Variants in TMEM131 observed in about 807,000 individuals in gnomAD.
The protein encoded by TMEM131 is 2610524E03Rik.
A neutral mutation model predicts 211.6 loss-of-function variants in TMEM131; 66 were observed. That is an observed-to-expected ratio of 0.31 (90% CI 0.26 to 0.38). TMEM131 has a LOEUF of 0.38. Ranked by LOEUF, TMEM131 falls within the 10% of genes least tolerant of loss-of-function variation. TMEM131 has a pLI of 1.00. For missense variants in TMEM131, 2,036 were observed against 2,299.3 expected (o/e 0.89, Z 2.34); for synonymous variants, 844 against 841.3 (o/e 1.00, Z -0.06).
chr2:97,873,412 GCCT>G (rs142305662), intron 4 of TMEM131, among the ~76,000 whole-genome samples: 3,681 of 152,220 alleles, frequency 0.024, 155 homozygotes, highest in African/African-American at 0.085. Flanking sequence ...AGGTCAGACT[GCCT>G]CCTCAAGTGG....
At chr2:97,759,629 C>T in intron 39 of TMEM131, 23 bp downstream of exon 39, 1 of 1,571,726 alleles carries the variant, frequency 6.4e-7, no homozygotes, top group Non-Finnish European at 8.7e-7. Context: ...TTATTAGTTA[C>T]ACATCTAGTG....
chr2:97,977,330 T>G (rs1199549842), intron 1 of TMEM131, among the ~76,000 whole-genome samples: 1 of 152,128 alleles, frequency 6.6e-6, no homozygotes, highest in Non-Finnish European at 1.5e-5. Context: ...GAAAATAGCC[T>G]AATAAAACAT....
chr2:97,955,897 G>A, intron 1 of TMEM131, among the ~76,000 whole-genome samples: 1 of 152,184 alleles, frequency 6.6e-6, no homozygotes, highest in Admixed American at 6.5e-5. Context: ...CAGGAAAAAT[G>A]TCAATTCTCC....
intron 11 of TMEM131, among the ~76,000 whole-genome samples, chr2:97,821,486 C>A (rs752050554): frequency 1.2e-4 from 19 of 152,192 alleles, no homozygotes; most frequent in Non-Finnish European, 2.6e-4. Context: ...TCACTCTTCA[C>A]AATAAATCTT....
chr2:97,858,644 A>AAGAGGACG (rs1057135603), intron 5 of TMEM131, among the ~76,000 whole-genome samples: 5 of 152,030 alleles, frequency 3.3e-5, no homozygotes, highest in African/African-American at 1.2e-4. Context: ...AGAAGAGGAC[A>AAGAGGACG]CCAGAGAGGT....
At chr2:97,966,107 TC>T (rs1679043991) in intron 1 of TMEM131, among the ~76,000 whole-genome samples, 1 of 151,702 alleles carries the variant, frequency 6.6e-6, no homozygotes, top group Non-Finnish European at 1.5e-5. Context: ...TTTTCCCTTG[TC>T]ATAAAACAAA....
intron 5 of TMEM131, among the ~76,000 whole-genome samples, chr2:97,845,810 T>G (rs1249695447): frequency 3.6e-5 from 5 of 140,122 alleles, no homozygotes; most frequent in African/African-American, 1.1e-4. Context: ...AAAAAGTCCA[T>G]AAAATGGATA....
chr2:97,842,022 G>A, intron 6 of TMEM131, 85 bp from the exon 7 acceptor site: 1 of 1,205,426 alleles, frequency 8.3e-7, no homozygotes, highest in Non-Finnish European at 1.1e-6. Flanking sequence ...TAGGGAGACT[G>A]GCAAATCTAA....
At chr2:97,844,567 T>C (rs1683338772) in intron 5 of TMEM131, among the ~76,000 whole-genome samples, 1 of 152,150 alleles carries the variant, frequency 6.6e-6, no homozygotes, top group East Asian at 1.9e-4. Context: ...GACAATCAGA[T>C]AGGAGTTGCG....
chr2:97,793,264 G>GTGTT (rs1680590651), intron 30 of TMEM131, 131 bp downstream of exon 30: 1 of 904,456 alleles, frequency 1.1e-6, no homozygotes, highest in Non-Finnish European at 1.7e-6. Flanking sequence ...TCCATACAGG[G>GTGTT]TGTTATTAAG....
intron 4 of TMEM131, among the ~76,000 whole-genome samples, chr2:97,863,332 G>C (rs1455204222): frequency 6.6e-6 from 1 of 152,168 alleles, no homozygotes; most frequent in Non-Finnish European, 1.5e-5. Flanking sequence ...GGACGTTGGA[G>C]TGGGCACAGA....
chr2:97,769,145 G>A (rs1193406303), intron 33 of TMEM131, among the ~76,000 whole-genome samples: 1 of 148,676 alleles, frequency 6.7e-6, no homozygotes, highest in Non-Finnish European at 1.5e-5. Context: ...ATCACACCTG[G>A]CTAATTTAAA....
At chr2:97,814,670 AT>A (rs1204365496) in intron 13 of TMEM131, among the ~76,000 whole-genome samples, 1 of 152,230 alleles carries the variant, frequency 6.6e-6, no homozygotes, top group Non-Finnish European at 1.5e-5. Context: ...TTTGAAAAAA[AT>A]CATGCTTATC....
intron 8 of TMEM131, 77 bp downstream of exon 8, chr2:97,836,997 TAAG>T (rs1682970410): frequency 5.4e-6 from 6 of 1,101,778 alleles, no homozygotes; most frequent in Non-Finnish European, 8.3e-6. Context: ...TTAAGCCTAT[TAAG>T]GAGTTAAATA....
At chr2:97,837,825 T>C (rs190627455) in intron 7 of TMEM131, among the ~76,000 whole-genome samples, 2 of 152,316 alleles carry the variant, frequency 1.3e-5, no homozygotes, top group Non-Finnish European at 2.9e-5. Flanking sequence ...AATTAAGATA[T>C]TAAATATATC....
At chr2:97,816,138 C>T (rs1287313685) in intron 12 of TMEM131, among the ~76,000 whole-genome samples, 2 of 151,966 alleles carry the variant, frequency 1.3e-5, no homozygotes, top group African/African-American at 4.8e-5. Context: ...GTCAGGAGTT[C>T]GAGACAAACC....
intron 1 of TMEM131, among the ~76,000 whole-genome samples, chr2:97,958,199 G>A (rs1678659905): frequency 6.6e-6 from 1 of 152,208 alleles, no homozygotes; most frequent in Non-Finnish European, 1.5e-5. Flanking sequence ...GAGGGGGGCA[G>A]AAGCTGAGCC....
chr2:97,877,813 A>C (rs541130429), intron 4 of TMEM131, among the ~76,000 whole-genome samples: 16 of 152,364 alleles, frequency 1.1e-4, no homozygotes, highest in Admixed American at 1.0e-3. Context: ...CTTCATGACT[A>C]AAACACCAAA....
chr2:97,897,833 A>T (rs1278507274), intron 3 of TMEM131, among the ~76,000 whole-genome samples: 1 of 152,176 alleles, frequency 6.6e-6, no homozygotes, highest in Non-Finnish European at 1.5e-5. Context: ...CAGTTTAGTC[A>T]TATGAGCCTG....
Sources: gnomAD v4.1 joint callset for allele counts (sites outside exome capture counted in the v4.1 genomes callset) on GRCh38, gnomAD v4.1.1 for gene constraint, MANE v1.5 for transcripts, NCBI Gene and HGNC (gene_info 2026-07-23, HGNC 2026-07-21) for gene names.